ERBB3: variants seen among roughly 807,000 people sequenced by gnomAD.
ERBB3 encodes receptor tyrosine-protein kinase erbB-3.
A neutral mutation model predicts 156.7 loss-of-function variants in ERBB3; 96 were observed. That is an observed-to-expected ratio of 0.61 (90% CI 0.52 to 0.73). The LOEUF (loss-of-function observed/expected upper bound fraction) is 0.73, where lower values mean the gene tolerates loss of function less well. Ranked by LOEUF, ERBB3 falls within the 30% of genes least tolerant of loss-of-function variation. ERBB3 has a pLI of 0.00. For synonymous variants in ERBB3, 567 were observed against 632.0 expected (o/e 0.90, Z 1.54); for missense variants, 1,406 against 1,709.4 (o/e 0.82, Z 3.13).
intron 1 of ERBB3, among the ~76,000 whole-genome samples, chr12:56,081,012 G>A (rs544162273): frequency 6.6e-4 from 101 of 152,322 alleles, no homozygotes; most frequent in African/African-American, 2.4e-3. Context: ...GTATAGCAGA[G>A]CTTAAGCAAC....
At chr12:56,094,682 T>C in intron 15 of ERBB3, 126 bp downstream of exon 15, 1 of 1,149,570 alleles carries the variant, frequency 8.7e-7, no homozygotes, top group South Asian at 1.4e-5. Flanking sequence ...CCGGGCGCAG[T>C]GGCTCACACC....
intron 23 of ERBB3, 123 bp downstream of exon 23, chr12:56,099,028 G>A (rs2136823783): frequency 1.1e-6 from 1 of 902,990 alleles, no homozygotes; most frequent in Non-Finnish European, 1.7e-6. Context: ...AATCAATCTT[G>A]GCTCACTACA....
At chr12:56,086,504 A>C (rs777551696) in intron 3 of ERBB3, 27 bp from the exon 4 acceptor site, 2 of 1,613,688 alleles carry the variant, frequency 1.2e-6, no homozygotes, top group East Asian at 4.5e-5. Flanking sequence ...GCGGCCCTTA[A>C]CCCTGTCACT....
intron 1 of ERBB3, among the ~76,000 whole-genome samples, chr12:56,081,489 G>A (rs530570987): frequency 2.0e-4 from 31 of 152,154 alleles, no homozygotes; most frequent in Non-Finnish European, 2.1e-4. Context: ...ACAGTTGCTG[G>A]GCCTAAATTT....
chr12:56,095,989 G>A, intron 17 of ERBB3, 183 bp downstream of exon 17: 1 of 675,658 alleles, frequency 1.5e-6, no homozygotes. Flanking sequence ...TGGTCCCCTA[G>A]AAGAACACTG....
intron 7 of ERBB3, 64 bp from the exon 8 acceptor site, chr12:56,088,479 G>A (rs1248995727): frequency 7.1e-6 from 9 of 1,263,222 alleles, no homozygotes; most frequent in Non-Finnish European, 1.0e-5. Flanking sequence ...CAGAGCAAGG[G>A]TTCCATTGGT....
rs530971245 is a variant in ERBB3 at position 56,092,783 on chromosome 12, G to A, written c.1146G>A (p.Glu382=). The stretch of plus-strand genomic sequence containing the variant: ...ACAAGATCCCTGCCCTGGACCCAGA[G>A]AAGCTCAATGTCTTCCGGACAGTAC... ...PWHKIPALDP[E]KLNVFRTVRE... The change falls in exon 10 of 28, where the codon GAG becomes GAA. Residue 382 remains glutamate, a synonymous_variant. Transcript: ENST00000267101. The A allele has an allele frequency of 3.1e-6, 5 of 1,614,172 alleles. No homozygotes were observed. The highest frequency in any genetic ancestry group is 2.2e-5 in the South Asian group (2 of 91,086).
Position 56,093,533 on chromosome 12 carries a change from G to A in ERBB3, c.1463G>A (p.Arg488Gln), listed in dbSNP as rs780965539. ...TEERLDIKHN[R>Q]PRRDCVAEGK... Reference sequence around the variant, plus strand: ...GAGCGACTAGACATCAAGCATAATCGGCCGCGCAGAGACTGCGGTGAGGGA... The same window carrying A: ...GAGCGACTAGACATCAAGCATAATCAGCCGCGCAGAGACTGCGGTGAGGGA... Residue 488 changes from arginine (R) to glutamine (Q), a missense_variant, in exon 12 of 28, where the codon CGG becomes CAG. Physicochemically the swap from Arg to Gln is conservative, Grantham distance 43. This residue lies in a region of ERBB3 where 979 missense variants were observed against 1,219.6 expected (regional missense o/e 0.80). Coordinates refer to ENST00000267101, the MANE Select transcript of ERBB3 (RefSeq NM_001982.4). 3.5e-5 allele frequency: 57 copies of A among 1,612,264 alleles called. 1 individual carries two copies. The East Asian group carries it at 1.0e-3, about 30-fold the overall frequency.
rs746395481 is a variant in ERBB3, at chr12:56,102,097, T to C, written c.*42T>C. ...CACTCAGGGAGCATTTAATGGCAGC[T>C]AGTGCCTTTAGAGGGTACCGTCTTC... On this transcript the variant is annotated 3_prime_UTR_variant, in exon 28 of 28. Coordinates refer to ENST00000267101, the MANE Select transcript of ERBB3 (RefSeq NM_001982.4). 5.8e-6 allele frequency: 9 copies of C among 1,557,898 alleles called. No homozygotes were observed. Among genetic ancestry groups the C allele is most frequent in the Non-Finnish European group, 7.0e-6 (8 of 1,140,798 alleles).
chr12:56,097,763 C>T (rs1449297265), intron 20 of ERBB3, 22 bp from the exon 21 acceptor site: 1 of 1,611,480 alleles, frequency 6.2e-7, no homozygotes, highest in Admixed American at 1.7e-5. Context: ...CTTAAGAATA[C>T]TTTCTTCCCC....
rs1011516686 is a variant in ERBB3 at position 56,102,828 on chromosome 12, A to AAAC, written c.*775_*776insCAA. ...CTTTAAAAAAAAAAAAAAAAAAAAA[A>AAAC]AAAAAACTTTAGAACTGGGTGCAGT... On this transcript the variant is annotated 3_prime_UTR_variant, in exon 28 of 28. Transcript: ENST00000267101. 83 of 214,894 alleles carry AAAC rather than the reference A, an allele frequency of 3.9e-4. 1 individual carries two copies. Among genetic ancestry groups the AAAC allele is most frequent in the South Asian group, 9.5e-4 (5 of 5,268 alleles). 13.3% of individuals were successfully genotyped at this position (214,894 alleles called of 1,614,324 possible). A position where few individuals can be genotyped will look rare whatever the true frequency, so the allele number is the denominator to read the frequency against.
At chr12:56,098,667 GATTTTTGTGTTAGATCA>G (rs773743395) in intron 22 of ERBB3, 75 bp from the exon 23 acceptor site, 2 of 1,585,190 alleles carry the variant, frequency 1.3e-6, no homozygotes, top group Non-Finnish European at 8.7e-7. Context: ...AAGCACTTCA[GATTTTTGTGTTAGATCA>G]GGTTCTGCCT....
chr12:56,087,347 C>T (rs1183999787), intron 4 of ERBB3, among the ~76,000 whole-genome samples: 1 of 152,078 alleles, frequency 6.6e-6, no homozygotes, highest in African/African-American at 2.4e-5. Flanking sequence ...TGGCATTTGC[C>T]CCAGTCCCTC....
Position 56,093,504 on chromosome 12 carries a change from G to A in ERBB3, c.1434G>A (p.Thr478=), listed in dbSNP as rs758336051. 20 of 1,613,710 alleles carry A rather than the reference G, an allele frequency of 1.2e-5. No individual in the cohort carries two copies. In the South Asian group the frequency reaches 1.4e-4, roughly 12 times the overall value. ...GGACCAAGGTGCTTCGGGGGCCTAC[G>A]GAAGAGCGACTAGACATCAAGCATA... is the stretch of plus-strand genomic sequence containing the variant. ...LNWTKVLRGP[T]EERLDIKHNR... is the part of the protein sequence containing the mutation. The change falls in exon 12 of 28, where the codon ACG becomes ACA. Residue 478 remains threonine, a synonymous_variant. Transcript: ENST00000267101.
intron 9 of ERBB3, among the ~76,000 whole-genome samples, chr12:56,090,197 A>C (rs1270732973): frequency 1.3e-5 from 2 of 151,678 alleles, no homozygotes; most frequent in African/African-American, 2.4e-5. Flanking sequence ...ACAGGGTTTC[A>C]CCATGTAGGC....
chr12:56,096,703 C>T (rs1356627942), intron 18 of ERBB3, 45 bp from the exon 19 acceptor site: 1 of 1,612,522 alleles, frequency 6.2e-7, no homozygotes, highest in Non-Finnish European at 8.5e-7. Flanking sequence ...TAGGATTGAC[C>T]TAGGGAGAAT....
chr12:56,095,596 C>G, intron 16 of ERBB3, 69 bp from the exon 17 acceptor site: 1 of 1,572,438 alleles, frequency 6.4e-7, no homozygotes, highest in Non-Finnish European at 8.8e-7. Context: ...ACCTTCAACA[C>G]AAGTATAGTT....
intron 4 of ERBB3, 100 bp downstream of exon 4, chr12:56,086,756 AGT>A: frequency 3.4e-6 from 5 of 1,469,972 alleles, no homozygotes; most frequent in Non-Finnish European, 4.8e-6. Flanking sequence ...CCGCCTCCCC[AGT>A]GAACAAACAC....
rs1869042767 is a variant in ERBB3, at chr12:56,100,203, A to G, written c.3159A>G (p.Gly1053=). 2.5e-6 allele frequency: 4 copies of G among 1,613,964 alleles called. 1 individual carries two copies. Among genetic ancestry groups the G allele is most frequent in the Non-Finnish European group, 3.4e-6 (4 of 1,179,970 alleles). Residue 1053 remains glycine (G), a synonymous_variant, in exon 26 of 28, where the codon GGA becomes GGG. Transcript: ENST00000267101. ...GSQSLLSPSS[G]YMPMNQGNLG... ...AGAGCCTTTTAAGTCCATCATCTGG[A>G]TACATGCCCATGAACCAGGGTAATC...
Sources: allele counts gnomAD v4.1 joint callset (sites outside exome capture counted in the v4.1 genomes callset), GRCh38; gene constraint gnomAD v4.1.1; regional missense constraint gnomAD v4.1.1; transcripts MANE v1.5; gene names NCBI Gene and HGNC (gene_info 2026-07-23, HGNC 2026-07-21).